The following MYOF variants were observed in gnomAD, a reference collection of about 807,000 sequenced individuals.
MYOF encodes the protein fer-1-like 3, myoferlin.
A neutral mutation model predicts 284.2 loss-of-function variants in MYOF; 244 were observed. The observed-to-expected ratio is 0.86, with a 90% CI of 0.77 to 0.95. The LOEUF (loss-of-function observed/expected upper bound fraction) is 0.95. Ranked by LOEUF, MYOF falls within the 40% of genes least tolerant of loss-of-function variation. The probability of loss-of-function intolerance (pLI) is 0.00; values close to 1 mark genes in which losing one functional copy is unlikely to be tolerated. For missense variants in MYOF, 2,496 were observed against 2,560.6 expected, an observed-to-expected ratio of 0.97 and a Z score of 0.54; for synonymous variants, 904 against 919.7, an observed-to-expected ratio of 0.98 and a Z score of 0.31.
chr10:93,456,455 A>G (rs563723054), intron 2 of MYOF, among the ~76,000 whole-genome samples: 1 of 152,230 alleles, frequency 6.6e-6, no homozygotes, highest in Non-Finnish European at 1.5e-5. Flanking sequence ...ACCCAGCTAG[A>G]CACACAGAGA....
At chr10:93,480,418 C>T (rs7896090) in intron 1 of MYOF, among the ~76,000 whole-genome samples, 14,863 of 149,358 alleles carry the variant, frequency 0.1, 866 homozygotes, top group East Asian at 0.23. Context: ...TTTTTAAATC[C>T]AATTTTTGCC....
chr10:93,466,816 A>G (rs1014920821), intron 1 of MYOF, among the ~76,000 whole-genome samples: 5 of 152,160 alleles, frequency 3.3e-5, no homozygotes, highest in African/African-American at 1.2e-4. Flanking sequence ...TCTACAAAAA[A>G]TTTAAAAATT....
At chr10:93,404,384 T>G (rs1325244114) in intron 7 of MYOF, among the ~76,000 whole-genome samples, 165 bp from the exon 8 acceptor site, 1 of 152,174 alleles carries the variant, frequency 6.6e-6, no homozygotes, top group African/African-American at 2.4e-5. Context: ...AGCCCTGCAG[T>G]TTAAGCTTCA....
intron 53 of MYOF, among the ~76,000 whole-genome samples, chr10:93,308,339 C>T (rs1042983848): frequency 1.5e-4 from 22 of 151,668 alleles, no homozygotes; most frequent in South Asian, 4.2e-4. Flanking sequence ...AATCCTAGCA[C>T]GTTGGGAGGC....
intron 1 of MYOF, among the ~76,000 whole-genome samples, chr10:93,457,927 A>G (rs2056783941): frequency 2.0e-5 from 3 of 148,260 alleles, no homozygotes; most frequent in Non-Finnish European, 1.5e-5. Context: ...TTTTTTCACT[A>G]GAGATGGGGT....
intron 27 of MYOF, among the ~76,000 whole-genome samples, chr10:93,362,774 T>G (rs563070595): frequency 5.3e-5 from 8 of 152,212 alleles, no homozygotes; most frequent in Non-Finnish European, 1.0e-4. Context: ...ATACCACTTA[T>G]TCATGTGGCA....
rs540026660 is a variant in MYOF, at chr10:93,426,976, G to A, written c.346-818C>T. ...ATCTCGGCTCACTGCAGCCTCTGCCGCCTGGGTTCAAGCAATTCTCCTGCC... is the reference window on the plus strand; with the variant it reads ...ATCTCGGCTCACTGCAGCCTCTGCCACCTGGGTTCAAGCAATTCTCCTGCC... On this transcript the variant is annotated intron_variant, in intron 4 of 53. Transcript: ENST00000359263. Among the ~76,000 whole-genome samples the A allele has an allele frequency of 4.2e-5, 6 of 143,482 alleles. No homozygotes were observed. In the South Asian group the frequency reaches 1.1e-3, roughly 27 times the overall value. 94.1% of individuals were successfully genotyped at this position (143,482 alleles called of 152,430 possible). A position where few individuals can be genotyped will look rare whatever the true frequency, so the allele number is the denominator to read the frequency against.
In MYOF at chr10:93,456,880, A is replaced by C. The variant is rs747132697; in HGVS notation, c.144+2T>G. ...ACAAAGTTGAAAAAACAATGAAGTCACCTCATTCCAGACAGGGTTCAATTC... is the reference window on the plus strand; with the variant it reads ...ACAAAGTTGAAAAAACAATGAAGTCCCCTCATTCCAGACAGGGTTCAATTC... On this transcript the variant is annotated splice_donor_variant, in intron 2 of 53. Transcript: ENST00000359263. LOFTEE classifies it high-confidence loss of function. 1 of 1,601,714 alleles carries C rather than the reference A, an allele frequency of 6.2e-7. No homozygotes were observed. Among genetic ancestry groups the C allele is most frequent in the Admixed American group, 1.7e-5 (1 of 58,526 alleles).
rs544478398 is a variant in MYOF, at chr10:93,481,980, A to G, written c.88+127T>C. 3.5e-6 allele frequency: 3 copies of G among 850,126 alleles called. No homozygotes were observed. The South Asian group carries it at 4.6e-5, about 13-fold the overall frequency. 52.7% of individuals were successfully genotyped at this position (850,126 alleles called of 1,614,324 possible). On this transcript the variant is annotated intron_variant, in intron 1 of 53. Coordinates refer to ENST00000359263, the MANE Select transcript of MYOF (RefSeq NM_013451.4). Reference sequence around the variant, plus strand: ...ACGGGTCCTCTCCCCTGTCCTGCGCAGGTAACAAACGCTGCTGGAGAGACT... The same window carrying G: ...ACGGGTCCTCTCCCCTGTCCTGCGCGGGTAACAAACGCTGCTGGAGAGACT...
intron 19 of MYOF, among the ~76,000 whole-genome samples, chr10:93,382,468 CT>C (rs1392745154): frequency 6.6e-6 from 1 of 152,148 alleles, no homozygotes; most frequent in East Asian, 1.9e-4. Flanking sequence ...AATAAGGAAA[CT>C]GGGTAAATTT....
chr10:93,414,902 C>T (rs567375451), intron 5 of MYOF, among the ~76,000 whole-genome samples: 2 of 151,998 alleles, frequency 1.3e-5, no homozygotes, highest in Non-Finnish European at 2.9e-5. Flanking sequence ...TGCCACCACG[C>T]CCTGCTAATT....
intron 27 of MYOF, among the ~76,000 whole-genome samples, chr10:93,361,892 G>A (rs1437713118): frequency 1.3e-5 from 2 of 152,324 alleles, no homozygotes; most frequent in South Asian, 4.1e-4. Context: ...CTCTTTATGA[G>A]GGGTTACATG....
At chr10:93,406,289 T>TATAC (rs1564691789) in intron 7 of MYOF, among the ~76,000 whole-genome samples, 2 of 12,952 alleles carry the variant, frequency 1.5e-4, no homozygotes, top group Non-Finnish European at 3.1e-4. Context: ...AAACCTCTTT[T>TATAC]ATATATATAT....
intron 3 of MYOF, among the ~76,000 whole-genome samples, chr10:93,432,615 C>G (rs1160514827): frequency 6.6e-6 from 1 of 152,168 alleles, no homozygotes; most frequent in Non-Finnish European, 1.5e-5. Flanking sequence ...GGTTAGCTTG[C>G]TGTCCCCTGT....
At chr10:93,424,929 ATTTTT>A (rs11376911) in intron 5 of MYOF, among the ~76,000 whole-genome samples, 5 of 77,738 alleles carry the variant, frequency 6.4e-5, no homozygotes, top group East Asian at 5.3e-4. Context: ...GGAGAATTCC[ATTTTT>A]TTTTTTTTTT....
intron 26 of MYOF, among the ~76,000 whole-genome samples, chr10:93,365,192 G>A (rs148793367): frequency 7.2e-5 from 11 of 152,256 alleles, no homozygotes; most frequent in Admixed American, 6.5e-4. Context: ...CCTCCCTAAT[G>A]CCTATGCAAT....
At chr10:93,363,411 A>T (rs1293393963) in intron 27 of MYOF, among the ~76,000 whole-genome samples, 1 of 152,236 alleles carries the variant, frequency 6.6e-6, no homozygotes, top group Non-Finnish European at 1.5e-5. Flanking sequence ...CATGCCTATA[A>T]TCCCAGCACT....
Position 93,327,949 on chromosome 10 carries a change from T to C in MYOF, c.5131+814A>G, listed in dbSNP as rs370686446. Reference sequence around the variant, plus strand: ...TTCTGTTTGTTTGTTTTTGTATTTTTAGTAGAGTTGGGCTTTCACCATGTT... The same window carrying C: ...TTCTGTTTGTTTGTTTTTGTATTTTCAGTAGAGTTGGGCTTTCACCATGTT... On this transcript the variant is annotated intron_variant, in intron 45 of 53. Coordinates refer to ENST00000359263, the MANE Select transcript of MYOF (RefSeq NM_013451.4). Among the ~76,000 whole-genome samples the C allele has an allele frequency of 2.0e-5, 3 of 152,178 alleles. No individual in the cohort carries two copies. The South Asian group carries it at 6.2e-4, about 32-fold the overall frequency.
In MYOF at chr10:93,337,885, T is replaced by G; in HGVS notation, c.4367A>C (p.Lys1456Thr). The change falls in exon 40 of 54, where the codon AAA becomes ACA. Residue 1456 changes from lysine (K) to threonine (T), a missense_variant. Coordinates refer to ENST00000359263, the MANE Select transcript of MYOF (RefSeq NM_013451.4). ...KEEEIVDWWS[K>T]FYASSGEHEK... ...ATGTTCCCCTGAGGAAGCATAAAATTTACTCCACCAGTCCACGATTTCTTC... is the reference window on the plus strand; with the variant it reads ...ATGTTCCCCTGAGGAAGCATAAAATGTACTCCACCAGTCCACGATTTCTTC... 3.1e-6 allele frequency: 5 copies of G among 1,614,070 alleles called. No individual in the cohort carries two copies. Among genetic ancestry groups the G allele is most frequent in the Non-Finnish European group, 4.2e-6 (5 of 1,179,996 alleles).
Sources: allele counts gnomAD v4.1 joint callset (sites outside exome capture counted in the v4.1 genomes callset), GRCh38; gene constraint gnomAD v4.1.1; transcripts MANE v1.5; gene names NCBI Gene and HGNC (gene_info 2026-07-23, HGNC 2026-07-21).